The following PEAK1 variants were observed in gnomAD, a reference collection of about 807,000 sequenced individuals.
PEAK1 encodes the protein inactive tyrosine-protein kinase PEAK1.
PEAK1 carries 54 observed loss-of-function variants against 124.7 expected under a neutral mutation model. The ratio of observed to expected loss-of-function variants is 0.43; its 90% CI spans 0.35 to 0.54. PEAK1 has a LOEUF of 0.54. Ranked by LOEUF, PEAK1 falls within the 20% of genes least tolerant of loss-of-function variation. PEAK1 has a pLI of 0.01. For missense variants in PEAK1, 2,046 were observed against 2,134.5 expected, an observed-to-expected ratio of 0.96 and a Z score of 0.82; for synonymous variants, 719 against 760.0, an observed-to-expected ratio of 0.95 and a Z score of 0.89.
intron 6 of PEAK1, among the ~76,000 whole-genome samples, chr15:77,243,121 A>G (rs2060430538): frequency 6.6e-6 from 1 of 152,228 alleles, no homozygotes; most frequent in South Asian, 2.1e-4. Context: ...TTGCTGAGAA[A>G]TGCTTTCCCT....
At chr15:77,213,520 C>G (rs1428835040) in intron 6 of PEAK1, among the ~76,000 whole-genome samples, 2 of 152,080 alleles carry the variant, frequency 1.3e-5, no homozygotes, top group Non-Finnish European at 2.9e-5. Context: ...GAAACCCCAT[C>G]TCTACTAAAA....
At chr15:77,357,117 A>G (rs1024855585) in intron 2 of PEAK1, among the ~76,000 whole-genome samples, 8 of 152,222 alleles carry the variant, frequency 5.3e-5, no homozygotes, top group Non-Finnish European at 7.3e-5. Context: ...AGAAAAAAAC[A>G]TACATCAGCA....
chr15:77,125,744 G>A (rs528194775), intron 9 of PEAK1, among the ~76,000 whole-genome samples: 1 of 152,312 alleles, frequency 6.6e-6, no homozygotes, highest in South Asian at 2.1e-4. Flanking sequence ...TTTGTACCTA[G>A]GCACCGCTTG....
chr15:77,413,362 T>C (rs1431056012), intron 1 of PEAK1, among the ~76,000 whole-genome samples: 2 of 152,184 alleles, frequency 1.3e-5, no homozygotes, highest in African/African-American at 4.8e-5. Context: ...AAATAGTAAC[T>C]TTACAGTGGA....
At chr15:77,192,051 T>C (rs189867071) in intron 6 of PEAK1, among the ~76,000 whole-genome samples, 7 of 152,298 alleles carry the variant, frequency 4.6e-5, no homozygotes, top group African/African-American at 1.7e-4. Flanking sequence ...CGAATGGAAA[T>C]AACAAACACA....
intron 2 of PEAK1, among the ~76,000 whole-genome samples, chr15:77,329,052 C>T (rs1422551586): frequency 1.3e-5 from 2 of 152,120 alleles, no homozygotes; most frequent in East Asian, 3.8e-4. Context: ...TATACTTTCT[C>T]TATTTTCATG....
At chr15:77,322,519 GA>G (rs1232653654) in intron 2 of PEAK1, among the ~76,000 whole-genome samples, 3 of 152,164 alleles carry the variant, frequency 2.0e-5, no homozygotes, top group African/African-American at 7.2e-5. Context: ...AAATAAACTA[GA>G]AAATCCACAA....
intron 1 of PEAK1, chr15:77,403,610 C>G: frequency 1.1e-6 from 1 of 924,038 alleles, no homozygotes; most frequent in Non-Finnish European, 1.3e-6. Flanking sequence ...GTTCATATAT[C>G]ATACCCTATA....
intron 1 of PEAK1, among the ~76,000 whole-genome samples, chr15:77,394,585 A>G (rs2070745987): frequency 6.6e-6 from 1 of 152,212 alleles, no homozygotes; most frequent in East Asian, 1.9e-4. Context: ...GGTGCCCTCT[A>G]ATGCAGACAT....
At chr15:77,238,217 T>C (rs974152763) in intron 6 of PEAK1, among the ~76,000 whole-genome samples, 1 of 152,176 alleles carries the variant, frequency 6.6e-6, no homozygotes, top group Admixed American at 6.5e-5. Flanking sequence ...AACTCTTAAG[T>C]ACAAAATTAT....
At chr15:77,138,417 AAATTT>A (rs1229430346) in intron 8 of PEAK1, among the ~76,000 whole-genome samples, 1 of 152,188 alleles carries the variant, frequency 6.6e-6, no homozygotes, top group Non-Finnish European at 1.5e-5. Flanking sequence ...AGGCTATACT[AAATTT>A]ATTTAAAAAT....
chr15:77,331,680 G>T (rs549892731), intron 2 of PEAK1, among the ~76,000 whole-genome samples: 2 of 151,882 alleles, frequency 1.3e-5, no homozygotes, highest in African/African-American at 4.8e-5. Context: ...TCAGTGGCAC[G>T]ATCTCAGCTC....
chr15:77,292,694 G>GT (rs1385680345), intron 2 of PEAK1, among the ~76,000 whole-genome samples: 1 of 152,098 alleles, frequency 6.6e-6, no homozygotes, highest in Non-Finnish European at 1.5e-5. Context: ...CAAAAGCACC[G>GT]TAAGTACTGA....
At chr15:77,225,666 T>TTATATATATATA (rs55958042) in intron 6 of PEAK1, among the ~76,000 whole-genome samples, 3,691 of 87,730 alleles carry the variant, frequency 0.042, 194 homozygotes, top group Non-Finnish European at 0.052. Context: ...TGTGTATAAT[T>TTATATATATATA]TATATATATA....
At chr15:77,198,049 T>C (rs2152841637) in intron 6 of PEAK1, among the ~76,000 whole-genome samples, 1 of 152,252 alleles carries the variant, frequency 6.6e-6, no homozygotes, top group South Asian at 2.1e-4. Context: ...TTAAAATTTA[T>C]CAAAACTTAA....
chr15:77,319,041 T>C lies in PEAK1; in HGVS notation c.-602-32537A>G, dbSNP rs916214070. 3.9e-5 allele frequency among the ~76,000 whole-genome samples: 6 copies of C among 152,266 alleles called. 1 individual carries two copies. Among genetic ancestry groups the C allele is most frequent in the East Asian group, 1.9e-4 (1 of 5,190 alleles). On this transcript the variant is annotated intron_variant, in intron 2 of 9. Transcript: ENST00000682557. ...CACTAGAACCAAGAAGACAACCTAATAGGATCCAAAGAAGACTGTCTCCAG... is the reference window on the plus strand; with the variant it reads ...CACTAGAACCAAGAAGACAACCTAACAGGATCCAAAGAAGACTGTCTCCAG...
At chr15:77,308,291 C>T (rs1202919474) in intron 2 of PEAK1, among the ~76,000 whole-genome samples, 2 of 152,056 alleles carry the variant, frequency 1.3e-5, no homozygotes, top group African/African-American at 4.8e-5. Context: ...ACTTAGTTTA[C>T]AGAGTTGCTA....
chr15:77,324,870 C>A (rs2153023610), intron 2 of PEAK1, among the ~76,000 whole-genome samples: 1 of 152,302 alleles, frequency 6.6e-6, no homozygotes, highest in South Asian at 2.1e-4. Context: ...ACATCCAACA[C>A]TGATGATTAC....
chr15:77,254,102 G>A (rs2061011733), intron 5 of PEAK1, among the ~76,000 whole-genome samples: 1 of 152,166 alleles, frequency 6.6e-6, no homozygotes, highest in Non-Finnish European at 1.5e-5. Context: ...TTACAGGTGT[G>A]AGCCACTGCG....
Sources: gnomAD v4.1 joint callset for allele counts (sites outside exome capture counted in the v4.1 genomes callset) on GRCh38, gnomAD v4.1.1 for gene constraint, MANE v1.5 for transcripts, NCBI Gene and HGNC (gene_info 2026-07-23, HGNC 2026-07-21) for gene names.